GPATCH2: variants seen among roughly 807,000 people sequenced by gnomAD.
GPATCH2 encodes the protein G-patch domain containing 2.
GPATCH2 carries 51 observed loss-of-function variants against 58.0 expected under a neutral mutation model. That is an observed-to-expected ratio of 0.88 (90% CI 0.70 to 1.11). GPATCH2 has a LOEUF of 1.11. GPATCH2 is among the 50% of genes most tolerant of loss of function. The pLI, the probability that GPATCH2 is intolerant of heterozygous loss-of-function variation, is 0.00. For missense variants in GPATCH2, 625 were observed against 652.2 expected (o/e 0.96, Z 0.45); for synonymous variants, 222 against 218.5 (o/e 1.02, Z -0.14).
At chr1:217,465,299 T>C (rs1161782357) in intron 8 of GPATCH2, among the ~76,000 whole-genome samples, 4 of 152,160 alleles carry the variant, frequency 2.6e-5, no homozygotes, top group African/African-American at 4.8e-5. Flanking sequence ...AAGAAAGTGA[T>C]AGCTACGGAA....
intron 5 of GPATCH2, among the ~76,000 whole-genome samples, chr1:217,607,145 C>A (rs976995127): frequency 1.3e-5 from 2 of 152,102 alleles, no homozygotes; most frequent in African/African-American, 4.8e-5. Context: ...TTTAAGTCGG[C>A]CTGCCTGCTA....
intron 8 of GPATCH2, among the ~76,000 whole-genome samples, chr1:217,486,891 G>A (rs1439541897): frequency 6.6e-6 from 1 of 152,154 alleles, no homozygotes; most frequent in Non-Finnish European, 1.5e-5. Context: ...GCTGCAGCAA[G>A]GACATGATAA....
intron 7 of GPATCH2, among the ~76,000 whole-genome samples, chr1:217,496,854 A>G (rs1662035135): frequency 6.6e-6 from 1 of 152,206 alleles, no homozygotes; most frequent in African/African-American, 2.4e-5. Flanking sequence ...CATATGTAAC[A>G]AGAATTAACT....
chr1:217,476,942 C>T (rs575320005), intron 8 of GPATCH2, among the ~76,000 whole-genome samples: 144 of 152,176 alleles, frequency 9.5e-4, no homozygotes, highest in African/African-American at 3.3e-3. Flanking sequence ...TAACTCCAAG[C>T]CGCACAACTC....
At chr1:217,586,436 C>G (rs1408311153) in intron 5 of GPATCH2, among the ~76,000 whole-genome samples, 8 of 151,860 alleles carry the variant, frequency 5.3e-5, no homozygotes, top group Admixed American at 1.3e-4. Flanking sequence ...CAGTCCTACA[C>G]AAGGTGAGAA....
chr1:217,449,290 C>T lies in GPATCH2; in HGVS notation c.1325G>A (p.Arg442Gln), dbSNP rs1417857524. The T allele has an allele frequency of 1.7e-5, 27 of 1,610,002 alleles. No individual in the cohort carries two copies. The highest frequency in any genetic ancestry group is 2.2e-5 in the East Asian group (1 of 44,866). ...AGGCAAAGGTGCAGCTTTTCTTCTC[C>T]GTTTGATATCTCCCGTGCATAAGGA... The part of the protein sequence containing the change: ...LGSLCTGDIK[R>Q]RRKAAPLPGP... Residue 442 changes from arginine to glutamine, a missense_variant, in exon 9 of 10, where the codon CGG becomes CAG. Coordinates refer to ENST00000366935, the MANE Select transcript of GPATCH2 (RefSeq NM_018040.5).
intron 5 of GPATCH2, among the ~76,000 whole-genome samples, chr1:217,544,524 G>A (rs185165161): frequency 2.6e-5 from 4 of 152,268 alleles, no homozygotes; most frequent in Non-Finnish European, 5.9e-5. Context: ...ACCAGCCTAA[G>A]TAAACCCTAA....
intron 5 of GPATCH2, among the ~76,000 whole-genome samples, chr1:217,534,555 A>G (rs1221365957): frequency 7.1e-6 from 1 of 140,646 alleles, no homozygotes; most frequent in Non-Finnish European, 1.5e-5. Context: ...TTCCATTTAT[A>G]AAATTACTTA....
rs189846701 is a variant in GPATCH2, at chr1:217,537,883, A to C, written c.1099-22994T>G. Among the ~76,000 whole-genome samples the C allele has an allele frequency of 1.2e-3, 187 of 152,360 alleles. 1 individual carries two copies. The highest frequency in any genetic ancestry group is 8.5e-4 in the Non-Finnish European group (58 of 68,030). ...TTACAAAACTTATTTAAAGACAATAAGCAGATTATAATATCTAACTACTAT... is the reference window on the plus strand; with the variant it reads ...TTACAAAACTTATTTAAAGACAATACGCAGATTATAATATCTAACTACTAT... On this transcript the variant is annotated intron_variant, in intron 5 of 9. Coordinates refer to ENST00000366935, the MANE Select transcript of GPATCH2 (RefSeq NM_018040.5).
At position 217,548,746 on chromosome 1, in the gene GPATCH2, G is replaced by C. The variant is rs571454046; in HGVS notation, c.1099-33857C>G. Among the ~76,000 whole-genome samples, 8 of 152,218 alleles carry C rather than the reference G, an allele frequency of 5.3e-5. No individual in the cohort carries two copies. The East Asian group carries it at 1.4e-3, about 26-fold the overall frequency. On this transcript the variant is annotated intron_variant, in intron 5 of 9. Transcript: ENST00000366935. Reference sequence around the variant, plus strand: ...CTCATGAAAGTGAGTGAGTTCTCATGAGATCTGATGGTTTTATAAGCATCT... The same window carrying C: ...CTCATGAAAGTGAGTGAGTTCTCATCAGATCTGATGGTTTTATAAGCATCT...
intron 8 of GPATCH2, among the ~76,000 whole-genome samples, chr1:217,451,216 A>AT (rs368370752): frequency 5.3e-5 from 8 of 152,150 alleles, no homozygotes; most frequent in African/African-American, 1.7e-4. Context: ...TCAAATATAC[A>AT]TTTTTTCCTT....
chr1:217,591,522 C>T (rs1410620674), intron 5 of GPATCH2, among the ~76,000 whole-genome samples: 1 of 152,010 alleles, frequency 6.6e-6, no homozygotes, highest in East Asian at 1.9e-4. Flanking sequence ...TGGCTAATAT[C>T]TTATTATGTG....
chr1:217,627,131 A>T (rs962780785), intron 1 of GPATCH2, among the ~76,000 whole-genome samples: 1 of 152,070 alleles, frequency 6.6e-6, no homozygotes, highest in Admixed American at 6.6e-5. Context: ...TCATCATAAA[A>T]ATCTGCATAA....
rs903653346 is a variant in GPATCH2 at position 217,586,373 on chromosome 1, T to A, written c.1098+23948A>T. 3.9e-5 allele frequency among the ~76,000 whole-genome samples: 6 copies of A among 152,298 alleles called. No individual in the cohort carries two copies. The South Asian group carries it at 1.2e-3, about 32-fold the overall frequency. The stretch of plus-strand genomic sequence containing the variant: ...TTTCTTCTATTTTATACCTTTTTTT[T>A]TTAACTTTTAAAACTTTTTGTTAAA... On this transcript the variant is annotated intron_variant, in intron 5 of 9. Transcript: ENST00000366935.
chr1:217,439,031 T>G (rs972647795), intron 9 of GPATCH2, among the ~76,000 whole-genome samples: 1 of 152,162 alleles, frequency 6.6e-6, no homozygotes, highest in Admixed American at 6.5e-5. Context: ...CTAATAGACA[T>G]CTACAGAACT....
intron 8 of GPATCH2, among the ~76,000 whole-genome samples, chr1:217,470,473 C>T (rs148177047): frequency 1.5e-3 from 229 of 152,232 alleles, no homozygotes; most frequent in African/African-American, 4.4e-3. Flanking sequence ...ATGTCAAATT[C>T]CTTTTTTTCT....
intron 5 of GPATCH2, among the ~76,000 whole-genome samples, chr1:217,568,339 T>C (rs1302490011): frequency 6.6e-6 from 1 of 152,174 alleles, no homozygotes; most frequent in African/African-American, 2.4e-5. Flanking sequence ...CCGAGTACTA[T>C]GTGTCAGGCA....
chr1:217,431,468 T>G, intron 9 of GPATCH2, 103 bp from the exon 10 acceptor site: 1 of 735,176 alleles, frequency 1.4e-6, no homozygotes, highest in Non-Finnish European at 2.4e-6. Flanking sequence ...GTTTTGTTTT[T>G]CAACCAGGTA....
chr1:217,469,317 T>C (rs777372239), intron 8 of GPATCH2, among the ~76,000 whole-genome samples: 2 of 152,152 alleles, frequency 1.3e-5, no homozygotes, highest in African/African-American at 4.8e-5. Flanking sequence ...CATTTAAATA[T>C]CAACATCTGT....
Sources: allele counts gnomAD v4.1 joint callset (sites outside exome capture counted in the v4.1 genomes callset), GRCh38; gene constraint gnomAD v4.1.1; transcripts MANE v1.5; gene names NCBI Gene and HGNC (gene_info 2026-07-23, HGNC 2026-07-21).